The following ADGRB3 variants were observed in gnomAD, a reference collection of about 807,000 sequenced individuals.
The protein encoded by ADGRB3 is brain-specific angiogenesis inhibitor 3.
In ADGRB3, 37 loss-of-function variants were observed where a neutral mutation model predicts 193.4. That is an observed-to-expected ratio of 0.19 (90% CI 0.15 to 0.25). The LOEUF is 0.25. Among genes scored for constraint, ADGRB3 ranks in the 10% least tolerant of loss-of-function variants. The probability of loss-of-function intolerance (pLI) is 1.00; values close to 1 mark genes in which losing one functional copy is unlikely to be tolerated. For missense variants in ADGRB3, 1,637 were observed against 1,852.9 expected, an observed-to-expected ratio of 0.88 and a Z score of 2.14; for synonymous variants, 690 against 644.2, an observed-to-expected ratio of 1.07 and a Z score of -1.08.
chr6:69,098,326 G>T (rs899893833), intron 17 of ADGRB3, among the ~76,000 whole-genome samples: 2 of 152,102 alleles, frequency 1.3e-5, no homozygotes, highest in African/African-American at 4.8e-5. Context: ...AATATTTTTT[G>T]AGAATGAGTG....
chr6:68,983,088 T>G (rs1768971948), intron 10 of ADGRB3, among the ~76,000 whole-genome samples: 1 of 152,138 alleles, frequency 6.6e-6, no homozygotes, highest in African/African-American at 2.4e-5. Context: ...AGTGAGACAT[T>G]ATCCCAAACC....
At chr6:69,278,996 C>G (rs1041226065) in intron 20 of ADGRB3, among the ~76,000 whole-genome samples, 2 of 145,984 alleles carry the variant, frequency 1.4e-5, no homozygotes, top group Non-Finnish European at 3.0e-5. Context: ...TCTTTGCATT[C>G]CTATAACAAG....
chr6:68,647,879 A>T (rs1288369963), intron 3 of ADGRB3, among the ~76,000 whole-genome samples: 1 of 152,192 alleles, frequency 6.6e-6, no homozygotes, highest in Admixed American at 6.5e-5. Flanking sequence ...TCATTCAGTG[A>T]ATTCTGATAA....
At chr6:68,840,688 A>AAAACAAACAAAC (rs139446106) in intron 3 of ADGRB3, among the ~76,000 whole-genome samples, 88 of 151,410 alleles carry the variant, frequency 5.8e-4, no homozygotes, top group African/African-American at 1.6e-3. Flanking sequence ...GAGGATCACA[A>AAAACAAACAAAC]AAACAAACAA....
intron 3 of ADGRB3, among the ~76,000 whole-genome samples, chr6:68,913,678 A>T (rs1241532434): frequency 6.6e-6 from 1 of 152,238 alleles, no homozygotes; most frequent in African/African-American, 2.4e-5. Flanking sequence ...CAGCAACGGA[A>T]CAAAGCTGGA....
chr6:68,772,894 AATATATATATATAT>A (rs1208790675), intron 3 of ADGRB3, among the ~76,000 whole-genome samples: 889 of 22,862 alleles, frequency 0.039, 31 homozygotes, highest in Middle Eastern at 0.065. Context: ...AAAAAAAAAA[AATATATATATATAT>A]ATATATATAT....
intron 3 of ADGRB3, among the ~76,000 whole-genome samples, chr6:68,858,958 T>C (rs779164771): frequency 2.0e-5 from 3 of 152,222 alleles, no homozygotes; most frequent in African/African-American, 7.2e-5. Flanking sequence ...TTATTACTTA[T>C]GCAAATTTAT....
intron 13 of ADGRB3, among the ~76,000 whole-genome samples, chr6:69,034,969 C>A (rs929986055): frequency 1.3e-5 from 2 of 151,922 alleles, no homozygotes; most frequent in African/African-American, 4.8e-5. Flanking sequence ...ATTTTCTGAA[C>A]TTTAGTGTCC....
chr6:68,740,305 T>C (rs905500452), intron 3 of ADGRB3, among the ~76,000 whole-genome samples: 1 of 152,164 alleles, frequency 6.6e-6, no homozygotes, highest in Admixed American at 6.5e-5. Flanking sequence ...AGGCCATAAC[T>C]CCAGAACTTT....
At chr6:69,310,040 T>A (rs1371783885) in intron 20 of ADGRB3, among the ~76,000 whole-genome samples, 5 of 151,718 alleles carry the variant, frequency 3.3e-5, no homozygotes, top group African/African-American at 1.2e-4. Flanking sequence ...TGTTTGTGGG[T>A]AAAAATGAAG....
intron 17 of ADGRB3, among the ~76,000 whole-genome samples, chr6:69,216,533 A>G (rs1163539533): frequency 1.3e-5 from 2 of 152,194 alleles, no homozygotes; most frequent in African/African-American, 4.8e-5. Context: ...AGGTAAAACT[A>G]GGAGTGTGAA....
intron 16 of ADGRB3, among the ~76,000 whole-genome samples, chr6:69,063,633 GTCAAGGA>G (rs1771815791): frequency 6.6e-6 from 1 of 151,950 alleles, no homozygotes; most frequent in Non-Finnish European, 1.5e-5. Flanking sequence ...GAAATACTAA[GTCAAGGA>G]TCAGGGAAGG....
intron 9 of ADGRB3, 91 bp from the exon 10 acceptor site, chr6:68,975,143 C>A: frequency 9.5e-7 from 1 of 1,055,986 alleles, no homozygotes; most frequent in Non-Finnish European, 1.4e-6. Context: ...AAAAAAAGTA[C>A]AAACTTAATT....
chr6:69,174,613 C>T (rs1017999426), intron 17 of ADGRB3, among the ~76,000 whole-genome samples: 1 of 152,030 alleles, frequency 6.6e-6, no homozygotes, highest in Non-Finnish European at 1.5e-5. Flanking sequence ...GGGTATATAC[C>T]CCACAATGGG....
rs1772220138 is a variant in ADGRB3, at chr6:69,076,035, A to C, written c.2477A>C (p.Lys826Thr). Reference protein sequence around the residue: ...NPYCVLWDDSKTNESLGTWST... With the variant: ...NPYCVLWDDSTTNESLGTWST... Reference sequence around the variant, plus strand: ...TATTGTGTATTGTGGGATGACTCCAAAACGTAAGTGACAGATGTTTTCCTA... The same window carrying C: ...TATTGTGTATTGTGGGATGACTCCACAACGTAAGTGACAGATGTTTTCCTA... The change falls in exon 17 of 32, where the codon AAA becomes ACA. Residue 826 changes from lysine (K) to threonine (T), a missense_variant. Coordinates refer to ENST00000370598, the MANE Select transcript of ADGRB3 (RefSeq NM_001704.3). 1 of 1,612,076 alleles carries C rather than the reference A, an allele frequency of 6.2e-7. No individual in the cohort carries two copies. Among genetic ancestry groups the C allele is most frequent in the African/African-American group, 1.3e-5 (1 of 74,910 alleles).
chr6:68,864,151 G>C (rs569007079), intron 3 of ADGRB3, among the ~76,000 whole-genome samples: 62 of 152,288 alleles, frequency 4.1e-4, no homozygotes, highest in African/African-American at 1.3e-3. Context: ...AGTCTTATAT[G>C]AATAAAGTTC....
At chr6:68,896,882 A>T (rs1412273489) in intron 3 of ADGRB3, among the ~76,000 whole-genome samples, 2 of 152,186 alleles carry the variant, frequency 1.3e-5, no homozygotes, top group African/African-American at 4.8e-5. Context: ...TTGTAGAATC[A>T]GAGCCTATAA....
At position 69,259,380 on chromosome 6, in the gene ADGRB3, C is replaced by T. The variant is rs146604105; in HGVS notation, c.2814+20154C>T. 3.2e-3 allele frequency among the ~76,000 whole-genome samples: 488 copies of T among 152,256 alleles called. 11 individuals are homozygous for T. The highest frequency in any genetic ancestry group is 0.024 in the East Asian group (127 of 5,186). ...TCTCCCGTGTTGGTGTTCAATAACACGTAGTTAGTTTTAACCTTAAAACTT... is the reference window on the plus strand; with the variant it reads ...TCTCCCGTGTTGGTGTTCAATAACATGTAGTTAGTTTTAACCTTAAAACTT... On this transcript the variant is annotated intron_variant, in intron 20 of 31. Coordinates refer to ENST00000370598, the MANE Select transcript of ADGRB3 (RefSeq NM_001704.3).
chr6:69,270,333 C>T (rs1391572099), intron 20 of ADGRB3, among the ~76,000 whole-genome samples: 1 of 152,170 alleles, frequency 6.6e-6, no homozygotes, highest in East Asian at 1.9e-4. Flanking sequence ...ATTTGGTGTA[C>T]TTCCTCTGCT....
Sources: allele counts gnomAD v4.1 joint callset (sites outside exome capture counted in the v4.1 genomes callset), GRCh38; gene constraint gnomAD v4.1.1; transcripts MANE v1.5; gene names NCBI Gene and HGNC (gene_info 2026-07-23, HGNC 2026-07-21).